The following LIN54 variants were observed in gnomAD, a reference collection of about 807,000 sequenced individuals.
LIN54 encodes lin-54 DREAM MuvB core complex component.
LIN54 carries 9 observed loss-of-function variants against 78.7 expected under a neutral mutation model. The ratio of observed to expected loss-of-function variants is 0.11; its 90% CI spans 0.07 to 0.20. The LOEUF (loss-of-function observed/expected upper bound fraction) is 0.20. LIN54 is among the 10% of genes least tolerant of loss of function. The pLI is 1.00. For synonymous variants in LIN54, 269 were observed against 318.4 expected (o/e 0.84, Z 1.65); for missense variants, 573 against 889.9 (o/e 0.64, Z 4.53).
rs368355980 is a variant in LIN54 at position 82,930,947 on chromosome 4, C to T, written c.2044G>A (p.Gly682Arg). The T allele has an allele frequency of 4.5e-5, 73 of 1,613,400 alleles. No homozygotes were observed. The highest frequency in any genetic ancestry group is 7.7e-5 in the South Asian group (7 of 91,078). The change falls in exon 12 of 13, where the codon GGA (glycine) becomes AGA (arginine). Residue 682 changes from glycine to arginine, a missense_variant. Physicochemically the swap from Gly to Arg is moderately radical, Grantham distance 125. This residue lies in a region of LIN54 where 82 missense variants were observed against 140.8 expected (regional missense o/e 0.58). Coordinates refer to ENST00000340417, the MANE Select transcript of LIN54 (RefSeq NM_194282.4). ...RPTPALNSGG[G>R]KLPFTFVTKE... Reference sequence around the variant, plus strand: ...AAGATTAAAATACTGACTTACTTTCCGCCTCCACTATTTAAAGCTGGTGTT... The same window carrying T: ...AAGATTAAAATACTGACTTACTTTCTGCCTCCACTATTTAAAGCTGGTGTT...
At chr4:83,008,570 T>A (rs1180528624) in intron 1 of LIN54, among the ~76,000 whole-genome samples, 1 of 152,154 alleles carries the variant, frequency 6.6e-6, no homozygotes, top group African/African-American at 2.4e-5. Flanking sequence ...GAGAATGGCG[T>A]GAACCCAGGA....
At chr4:83,000,708 C>T (rs888925053) in intron 1 of LIN54, among the ~76,000 whole-genome samples, 1 of 151,702 alleles carries the variant, frequency 6.6e-6, no homozygotes, top group African/African-American at 2.4e-5. Flanking sequence ...AACATCAAGT[C>T]TATAGAAGAG....
At chr4:83,000,501 A>G (rs897723737) in intron 1 of LIN54, among the ~76,000 whole-genome samples, 1 of 152,214 alleles carries the variant, frequency 6.6e-6, no homozygotes, top group Non-Finnish European at 1.5e-5. Context: ...TTTGTCCTTG[A>G]AGACATGAAG....
intron 1 of LIN54, among the ~76,000 whole-genome samples, chr4:83,008,609 G>A (rs910063941): frequency 5.3e-5 from 8 of 152,032 alleles, no homozygotes; most frequent in South Asian, 4.2e-4. Context: ...CCAAGATCGC[G>A]CCACTGCACT....
intron 1 of LIN54, among the ~76,000 whole-genome samples, chr4:82,998,805 A>T (rs940651781): frequency 3.9e-5 from 6 of 152,120 alleles, no homozygotes; most frequent in Admixed American, 3.3e-4. Context: ...TATCAAAAAA[A>T]TTTAAGAAAA....
intron 4 of LIN54, among the ~76,000 whole-genome samples, chr4:82,954,168 A>C (rs1424190019): frequency 6.6e-6 from 1 of 152,206 alleles, no homozygotes; most frequent in East Asian, 1.9e-4. Flanking sequence ...GAAGAGACTA[A>C]ATTTTGACTT....
intron 2 of LIN54, among the ~76,000 whole-genome samples, chr4:82,979,284 T>A (rs1446170374): frequency 6.6e-6 from 1 of 152,158 alleles, no homozygotes; most frequent in Non-Finnish European, 1.5e-5. Context: ...ACAAAATTAA[T>A]AATAATGCTT....
chr4:83,010,822 G>A lies in LIN54; in HGVS notation c.-371C>T, dbSNP rs1729811428. 3.2e-6 allele frequency: 4 copies of A among 1,233,312 alleles called. No individual in the cohort carries two copies. The highest frequency in any genetic ancestry group is 4.2e-5 in the Admixed American group (1 of 23,672). The allele number at this position is 1,233,312 out of a possible 1,614,324, so 76.4% of individuals were successfully genotyped here. ...GCCGCCGCCGCCGCCGCCACCACCAGTAACCTCCCCCTTCCTCCTCCTCCC... is the reference window on the plus strand; with the variant it reads ...GCCGCCGCCGCCGCCGCCACCACCAATAACCTCCCCCTTCCTCCTCCTCCC... On this transcript the variant is annotated 5_prime_UTR_variant, in exon 1 of 13. Coordinates refer to ENST00000340417, the MANE Select transcript of LIN54 (RefSeq NM_194282.4).
At chr4:82,932,344 CCTCGGCCTCCCAAAGT>C (rs1722034061) in intron 11 of LIN54, among the ~76,000 whole-genome samples, 1 of 150,850 alleles carries the variant, frequency 6.6e-6, no homozygotes, top group Non-Finnish European at 1.5e-5. Context: ...GATTCACCCG[CCTCGGCCTCCCAAAGT>C]GCTGGGATTA....
chr4:82,939,521 T>A lies in LIN54; in HGVS notation c.1440+18A>T, dbSNP rs1722660072. ...ATTATCACTTTTGCAATACAATGAC[T>A]TCATTTTTTCCACATACCTGAGTAA... On this transcript the variant is annotated intron_variant, in intron 7 of 12. Transcript: ENST00000340417. The A allele has an allele frequency of 6.2e-7, 1 of 1,604,396 alleles. No homozygotes were observed. The highest frequency in any genetic ancestry group is 1.3e-5 in the African/African-American group (1 of 74,864).
chr4:82,939,495 C>T (rs1233475846), intron 7 of LIN54, 44 bp downstream of exon 7: 1 of 1,491,462 alleles, frequency 6.7e-7, no homozygotes, highest in East Asian at 2.3e-5. Flanking sequence ...TCTTGGACCC[C>T]ATTATCACTT....
chr4:83,006,452 A>AAAAAAAAAAAAG (rs1197501145), intron 1 of LIN54, among the ~76,000 whole-genome samples: 1 of 151,592 alleles, frequency 6.6e-6, no homozygotes, highest in East Asian at 1.9e-4. Flanking sequence ...CCGTCTCAAA[A>AAAAAAAAAAAAG]AAAAAAAAAA....
chr4:82,987,019 A>G lies in LIN54; in HGVS notation c.-32-2143T>C, dbSNP rs535098027. On this transcript the variant is annotated intron_variant, in intron 1 of 12. Coordinates refer to ENST00000340417, the MANE Select transcript of LIN54 (RefSeq NM_194282.4). ...ACAGTTAATTATCTTGGCTGGGCAC[A>G]CTGGCTCTTACCTGTAATCCCAGCA... 2.0e-5 allele frequency among the ~76,000 whole-genome samples: 3 copies of G among 152,292 alleles called. No homozygotes were observed. In the East Asian group the frequency reaches 5.8e-4, roughly 29 times the overall value.
At chr4:82,990,075 C>G (rs1288590346) in intron 1 of LIN54, among the ~76,000 whole-genome samples, 2 of 152,222 alleles carry the variant, frequency 1.3e-5, no homozygotes, top group African/African-American at 4.8e-5. Context: ...TTGCCCACCA[C>G]CTGGGTGAGA....
At chr4:82,992,028 G>A (rs1448147053) in intron 1 of LIN54, among the ~76,000 whole-genome samples, 6 of 152,064 alleles carry the variant, frequency 3.9e-5, no homozygotes, top group East Asian at 3.9e-4. Context: ...GCACAGAATC[G>A]TCTCTATTTC....
chr4:83,001,822 TG>T (rs1728802337), intron 1 of LIN54, among the ~76,000 whole-genome samples: 1 of 129,720 alleles, frequency 7.7e-6, no homozygotes, highest in African/African-American at 3.1e-5. Context: ...CACTCCAGCC[TG>T]GGCGACAGAG....
intron 1 of LIN54, among the ~76,000 whole-genome samples, chr4:82,995,751 G>A (rs545608050): frequency 6.2e-4 from 94 of 151,564 alleles, no homozygotes; most frequent in African/African-American, 1.8e-3. Context: ...CACCCGCCTC[G>A]GTCTCCCAAA....
chr4:82,933,400 G>A (rs1445869458), intron 11 of LIN54, among the ~76,000 whole-genome samples: 2 of 151,450 alleles, frequency 1.3e-5, no homozygotes, highest in African/African-American at 4.8e-5. Context: ...AAGATGTGGA[G>A]GGGAGGAAAA....
At chr4:82,955,370 ATAACATAACATAAC>A (rs988620297) in intron 4 of LIN54, among the ~76,000 whole-genome samples, 3 of 22,080 alleles carry the variant, frequency 1.4e-4, no homozygotes, top group African/African-American at 3.1e-4. Flanking sequence ...TCTCAAAAAA[ATAACATAACATAAC>A]ATAACATAAC....
Sources: gnomAD v4.1 joint callset for allele counts (sites outside exome capture counted in the v4.1 genomes callset) on GRCh38, gnomAD v4.1.1 for gene constraint, gnomAD v4.1.1 regional missense constraint, MANE v1.5 for transcripts, NCBI Gene and HGNC (gene_info 2026-07-23, HGNC 2026-07-21) for gene names.